The following ATXN7 variants were observed in gnomAD, a reference collection of about 807,000 sequenced individuals.
ATXN7 encodes ataxin 7, also known as ataxin-7.
In ATXN7, 12 loss-of-function variants were observed where a neutral mutation model predicts 70.5. The ratio of observed to expected loss-of-function variants is 0.17; its 90% CI spans 0.11 to 0.28. ATXN7 has a LOEUF of 0.28. Ranked by LOEUF, ATXN7 falls within the 10% of genes least tolerant of loss-of-function variation. ATXN7 has a pLI of 1.00. For synonymous variants in ATXN7, 498 were observed against 448.7 expected (o/e 1.11, Z -1.39); for missense variants, 1,256 against 1,131.7 (o/e 1.11, Z -1.58).
At chr3:63,947,734 A>AG (rs1303157690) in intron 4 of ATXN7, among the ~76,000 whole-genome samples, 10 of 152,144 alleles carry the variant, frequency 6.6e-5, no homozygotes, top group Non-Finnish European at 1.5e-4. Flanking sequence ...CTAACTGGGG[A>AG]GGGGGAAGGA....
intron 4 of ATXN7, among the ~76,000 whole-genome samples, chr3:63,946,267 A>G (rs1308268025): frequency 6.6e-6 from 1 of 152,142 alleles, no homozygotes; most frequent in Non-Finnish European, 1.5e-5. Context: ...CATTGGGGCT[A>G]GTTCTTGTCG....
At chr3:63,871,406 A>G (rs1702587476) in intron 1 of ATXN7, among the ~76,000 whole-genome samples, 1 of 152,184 alleles carries the variant, frequency 6.6e-6, no homozygotes, top group Non-Finnish European at 1.5e-5. Flanking sequence ...TATCTTTTGG[A>G]TAACAGTTTG....
chr3:63,916,803 A>G (rs1050257087), intron 4 of ATXN7, among the ~76,000 whole-genome samples: 43 of 152,346 alleles, frequency 2.8e-4, no homozygotes, highest in African/African-American at 1.0e-3. Flanking sequence ...TTTTGTTTGC[A>G]TTCTTGTATT....
intron 1 of ATXN7, among the ~76,000 whole-genome samples, chr3:63,868,577 G>A (rs943196529): frequency 6.6e-6 from 1 of 152,136 alleles, no homozygotes; most frequent in African/African-American, 2.4e-5. Context: ...TTTCAAAAAT[G>A]AGTTAGGATT....
intron 2 of ATXN7, among the ~76,000 whole-genome samples, chr3:63,909,071 G>A (rs767034814): frequency 2.3e-4 from 35 of 152,196 alleles, no homozygotes; most frequent in Non-Finnish European, 4.0e-4. Context: ...CTAGTAGAGT[G>A]CCTAGTCTGT....
Position 63,963,398 on chromosome 3 carries a change from T to C in ATXN7, c.499+10915T>C, listed in dbSNP as rs911316705. Among the ~76,000 whole-genome samples the C allele has an allele frequency of 4.6e-5, 7 of 152,342 alleles. No homozygotes were observed. The East Asian group carries it at 1.4e-3, about 29-fold the overall frequency. On this transcript the variant is annotated intron_variant, in intron 5 of 12. Transcript: ENST00000674280. ...ATCTCAACTATTTTCAGTGCAGCCTTTTTCTTATTTCATTGGCTCTTTCAA... is the reference window on the plus strand; with the variant it reads ...ATCTCAACTATTTTCAGTGCAGCCTCTTTCTTATTTCATTGGCTCTTTCAA...
chr3:63,983,411 T>C (rs2075521317), intron 8 of ATXN7, among the ~76,000 whole-genome samples: 1 of 152,204 alleles, frequency 6.6e-6, no homozygotes, highest in Admixed American at 6.5e-5. Flanking sequence ...AAAAAATGTG[T>C]CACCCATGGT....
intron 11 of ATXN7, among the ~76,000 whole-genome samples, chr3:63,995,234 G>GCAGGGAA (rs1188147651): frequency 1.3e-5 from 2 of 152,052 alleles, no homozygotes; most frequent in African/African-American, 4.8e-5. Context: ...GTGGCTGGAA[G>GCAGGGAA]CAGGGAACGG....
chr3:63,900,390 G>A (rs1346718908), intron 2 of ATXN7, among the ~76,000 whole-genome samples: 1 of 152,228 alleles, frequency 6.6e-6, no homozygotes, highest in East Asian at 1.9e-4. Flanking sequence ...TTTTAGTACT[G>A]TTGAGATGTT....
upstream of ATXN7, chr3:63,863,514 CG>C: frequency 8.4e-7 from 1 of 1,188,808 alleles, no homozygotes. Context: ...CCTATAGCCC[CG>C]CGCTGCCTCC....
intron 5 of ATXN7, among the ~76,000 whole-genome samples, chr3:63,970,447 A>C (rs900821581): frequency 6.6e-6 from 1 of 152,198 alleles, no homozygotes; most frequent in African/African-American, 2.4e-5. Flanking sequence ...GAGGTGATCA[A>C]CTGTTGTGAC....
rs535142844 is a variant in ATXN7 at position 63,911,971 on chromosome 3, A to G, written c.-11-617A>G. The G allele has an allele frequency of 5.3e-4, 81 of 152,370 alleles. 1 individual carries two copies. The highest frequency in any genetic ancestry group is 1.7e-3 in the African/African-American group (71 of 41,540). 9.4% of individuals were successfully genotyped at this position (152,370 alleles called of 1,614,324 possible). A position where few individuals can be genotyped will look rare whatever the true frequency, so the allele number is the denominator to read the frequency against. On this transcript the variant is annotated intron_variant, in intron 2 of 12. Transcript: ENST00000674280. ...GGCCGGCTCCTCCATAGGTGGCTGCATTTCCGACTTCGCCCTGGCTCCAGT... is the reference window on the plus strand; with the variant it reads ...GGCCGGCTCCTCCATAGGTGGCTGCGTTTCCGACTTCGCCCTGGCTCCAGT...
chr3:63,964,279 T>C (rs2075183074), intron 5 of ATXN7, among the ~76,000 whole-genome samples: 1 of 152,194 alleles, frequency 6.6e-6, no homozygotes, highest in Non-Finnish European at 1.5e-5. Flanking sequence ...TCATTCTGTA[T>C]GGAATTTAAG....
intron 1 of ATXN7, among the ~76,000 whole-genome samples, chr3:63,889,449 C>G (rs1703190208): frequency 5.3e-5 from 8 of 152,078 alleles, no homozygotes; most frequent in Admixed American, 5.2e-4. Flanking sequence ...TGTCACCATA[C>G]GAAATCAAGT....
chr3:63,979,280 C>T (rs760030475), intron 5 of ATXN7, among the ~76,000 whole-genome samples: 6 of 152,038 alleles, frequency 3.9e-5, no homozygotes, highest in African/African-American at 9.7e-5. Flanking sequence ...CGGTGTGAAC[C>T]GGAGCTATGC....
intron 1 of ATXN7, among the ~76,000 whole-genome samples, chr3:63,881,064 C>T (rs897500644): frequency 6.6e-6 from 1 of 152,140 alleles, no homozygotes; most frequent in Admixed American, 6.5e-5. Flanking sequence ...ATGATAATGG[C>T]TATCATTTAT....
chr3:63,996,249 C>G lies in ATXN7; in HGVS notation c.2427C>G (p.His809Gln), dbSNP rs1048022116. ...CTCTTTCTCTTGGGCCATTCATTCA[C>G]CAGTCCAATGAACTGCCTGTCAACT... ...DSTLSLGPFI[H>Q]QSNELPVNSH... Residue 809 changes from histidine to glutamine, a missense_variant, in exon 12 of 13, where the codon CAC becomes CAG. By Grantham distance (24) the His-to-Gln change is conservative (BLOSUM62 0). Transcript: ENST00000674280. 6.2e-7 allele frequency: 1 copy of G among 1,614,050 alleles called. No individual in the cohort carries two copies. Among genetic ancestry groups the G allele is most frequent in the African/African-American group, 1.3e-5 (1 of 74,914 alleles).
intron 4 of ATXN7, among the ~76,000 whole-genome samples, chr3:63,944,231 A>G (rs1309400982): frequency 6.6e-6 from 1 of 152,188 alleles, no homozygotes; most frequent in Non-Finnish European, 1.5e-5. Flanking sequence ...ACTGAATCCT[A>G]TATATACTGT....
rs185686951 is a variant in ATXN7 at position 63,955,577 on chromosome 3, A to T, written c.499+3094A>T. Among the ~76,000 whole-genome samples the T allele has an allele frequency of 4.9e-3, 740 of 152,306 alleles. 1 individual carries two copies. The highest frequency in any genetic ancestry group is 7.6e-3 in the Non-Finnish European group (518 of 68,026). On this transcript the variant is annotated intron_variant, in intron 5 of 12. Transcript: ENST00000674280. ...ATCTTTTGGGGACAGGGGTTGTGAC[A>T]GGAAAGATTATTTTTGGTACATTTT...
Sources: allele counts gnomAD v4.1 joint callset (sites outside exome capture counted in the v4.1 genomes callset), GRCh38; gene constraint gnomAD v4.1.1; transcripts MANE v1.5; gene names NCBI Gene and HGNC (gene_info 2026-07-23, HGNC 2026-07-21).